The following C14orf93 variants were observed in gnomAD, a reference collection of about 807,000 sequenced individuals.
The protein encoded by C14orf93 is uncharacterized protein C14orf93.
A neutral mutation model predicts 44.0 loss-of-function variants in C14orf93; 23 were observed. The observed-to-expected ratio is 0.52, with a 90% CI of 0.38 to 0.74. The LOEUF is 0.74. Among genes scored for constraint, C14orf93 ranks in the 30% least tolerant of loss-of-function variants. The pLI is 0.00. For missense variants in C14orf93, 579 were observed against 678.9 expected (o/e 0.85, Z 1.64); for synonymous variants, 253 against 265.7 (o/e 0.95, Z 0.46).
chr14:22,998,071 C>T (rs11628189), intron 2 of C14orf93: 32,407 of 219,450 alleles, frequency 0.15, 2,715 homozygotes, highest in Admixed American at 0.18. Context: ...AGAGGGCCTG[C>T]GATAAAATAT....
chr14:22,989,394 G>A (rs554638029), intron 5 of C14orf93, among the ~76,000 whole-genome samples: 2 of 152,130 alleles, frequency 1.3e-5, no homozygotes, highest in South Asian at 4.2e-4. Context: ...TAATATTTAG[G>A]GACCAAGGGG....
intron 3 of C14orf93, chr14:22,994,193 T>C (rs992941118): frequency 2.0e-5 from 3 of 152,232 alleles, no homozygotes; most frequent in Admixed American, 6.5e-5. Flanking sequence ...AAACTCATTA[T>C]AGTCAATATG....
intron 3 of C14orf93, among the ~76,000 whole-genome samples, chr14:22,990,803 C>CT (rs1185433394): frequency 6.8e-6 from 1 of 146,426 alleles, no homozygotes; most frequent in African/African-American, 2.5e-5. Context: ...TTCTCTTGCA[C>CT]TTTTTTTTCT....
chr14:22,993,953 G>C (rs371464829), intron 3 of C14orf93: 6 of 152,316 alleles, frequency 3.9e-5, no homozygotes, highest in African/African-American at 1.2e-4. Context: ...CTTCCTCCAT[G>C]ATGGGCAGCA....
In C14orf93 at chr14:23,003,857, CATATATATATATATATATATAT is replaced by C. The variant is rs1176882717; in HGVS notation, c.-379-4477_-379-4456del. 7.3e-3 allele frequency among the ~76,000 whole-genome samples: 138 copies of C among 19,020 alleles called. 2 individuals carry two copies. The highest frequency in any genetic ancestry group is 1.0e-2 in the Admixed American group (9 of 902). The allele number at this position is 19,020 out of a possible 152,430, so 12.5% of individuals were successfully genotyped here. ...TGAGATATTTTTAGGCTAATATATT[CATATATATATATATATATATAT>C]ATATATATATATATATATATTTTTT... On this transcript the variant is annotated intron_variant, in intron 1 of 6. Coordinates refer to ENST00000299088, the MANE Select transcript of C14orf93 (RefSeq NM_021944.4).
chr14:23,009,633 G>A (rs1364928002), intron 1 of C14orf93, among the ~76,000 whole-genome samples: 1 of 129,878 alleles, frequency 7.7e-6, no homozygotes, highest in Non-Finnish European at 1.6e-5. Context: ...CCACATCCCA[G>A]CCACTTGGTT....
At chr14:22,993,712 A>G (rs2045800218) in intron 3 of C14orf93, 1 of 152,218 alleles carries the variant, frequency 6.6e-6, no homozygotes, top group Admixed American at 6.5e-5. Context: ...TGGCTCACCT[A>G]CCTCCTGAAT....
intron 1 of C14orf93, among the ~76,000 whole-genome samples, chr14:23,000,307 T>G (rs2046223596): frequency 6.6e-6 from 1 of 152,110 alleles, no homozygotes; most frequent in African/African-American, 2.4e-5. Flanking sequence ...TAAATAATAC[T>G]TGATGATAGA....
chr14:22,989,690 G>A, intron 5 of C14orf93, 52 bp downstream of exon 5: 7 of 1,207,602 alleles, frequency 5.8e-6, no homozygotes, highest in Non-Finnish European at 6.2e-6. Context: ...AAAGAGGAGT[G>A]GGAGGAGAGG....
At chr14:23,000,714 C>CAAAAAA (rs758471653) in intron 1 of C14orf93, among the ~76,000 whole-genome samples, 2 of 55,094 alleles carry the variant, frequency 3.6e-5, no homozygotes. Flanking sequence ...GACTCCACCT[C>CAAAAAA]AAAAAAAAAA....
intron 3 of C14orf93, among the ~76,000 whole-genome samples, chr14:22,992,881 C>T (rs1374916087): frequency 6.6e-6 from 1 of 151,730 alleles, no homozygotes; most frequent in East Asian, 2.0e-4. Flanking sequence ...CCACGCCCAG[C>T]TTTATTTATT....
At chr14:22,989,614 G>A in intron 5 of C14orf93, 128 bp downstream of exon 5, 1 of 675,750 alleles carries the variant, frequency 1.5e-6, no homozygotes, top group South Asian at 1.9e-5. Context: ...GCCAAAAAAT[G>A]TTTCAAATCC....
intron 3 of C14orf93, among the ~76,000 whole-genome samples, chr14:22,990,803 CT>C (rs1185433394): frequency 1.4e-4 from 20 of 146,540 alleles, no homozygotes; most frequent in South Asian, 8.6e-4. Flanking sequence ...TTCTCTTGCA[CT>C]TTTTTTTCTT....
At chr14:23,006,681 G>A (rs2046632283) in intron 1 of C14orf93, 1 of 152,278 alleles carries the variant, frequency 6.6e-6, no homozygotes. Flanking sequence ...TATTAGTCAA[G>A]GATGACAAGG....
chr14:23,003,871 T>TATATAC (rs1566696357), intron 1 of C14orf93, among the ~76,000 whole-genome samples: 1 of 13,182 alleles, frequency 7.6e-5, no homozygotes, highest in Non-Finnish European at 1.4e-4. Context: ...TATATATATA[T>TATATAC]ATATATATAT....
Position 22,998,958 on chromosome 14 carries a change from G to C in C14orf93, c.66C>G (p.Cys22Trp). 6.2e-7 allele frequency: 1 copy of C among 1,613,560 alleles called. No homozygotes were observed. The highest frequency in any genetic ancestry group is 8.5e-7 in the Non-Finnish European group (1 of 1,179,964). Residue 22 changes from cysteine (C) to tryptophan (W), a missense_variant, in exon 2 of 7, where the codon TGC (cysteine) becomes TGG (tryptophan). Coordinates refer to ENST00000299088, the MANE Select transcript of C14orf93 (RefSeq NM_021944.4). ...CTCCATTAGTCTCACTCTTACAGGC[G>C]CAGCAGCAGCATCTGGCCTCGCTGC... is the stretch of plus-strand genomic sequence containing the variant. ...PSGSEARCCC[C>W]ACKSETNGGN...
chr14:23,008,517 A>G (rs1824752281), intron 1 of C14orf93, among the ~76,000 whole-genome samples: 1 of 147,866 alleles, frequency 6.8e-6, no homozygotes, highest in Admixed American at 6.8e-5. Context: ...TCTACAGTAG[A>G]TTTTTTTTTT....
intron 1 of C14orf93, among the ~76,000 whole-genome samples, chr14:23,008,275 C>T (rs1442586765): frequency 6.6e-6 from 1 of 151,844 alleles, no homozygotes; most frequent in Admixed American, 6.6e-5. Context: ...ACAGTCGAGC[C>T]AGTATTTATT....
chr14:22,987,664 GA>G lies in C14orf93; in HGVS notation c.1198-31del. On this transcript the variant is annotated intron_variant, in intron 6 of 6. Transcript: ENST00000299088. This position sits in a 1 kb window ranked among gnomAD's most constrained non-coding sequence, Gnocchi z 5.6. ...GGCAGGAACCCAGGAGATAGATTAG[GA>G]AGGTAAACATTCTATGGATTAGATT... 6.5e-7 allele frequency: 1 copy of G among 1,542,794 alleles called. No homozygotes were observed. Among genetic ancestry groups the G allele is most frequent in the Non-Finnish European group, 8.7e-7 (1 of 1,147,764 alleles).
Sources: gnomAD v4.1 joint callset for allele counts (sites outside exome capture counted in the v4.1 genomes callset) on GRCh38, gnomAD v4.1.1 for gene constraint, Gnocchi (gnomAD v3.1) non-coding constraint, MANE v1.5 for transcripts, NCBI Gene and HGNC (gene_info 2026-07-23, HGNC 2026-07-21) for gene names.